The following GRM7 variants were observed in gnomAD, a reference collection of about 807,000 sequenced individuals.
GRM7 encodes the protein metabotropic glutamate receptor 7.
In GRM7, 35 loss-of-function variants were observed where a neutral mutation model predicts 84.5. The ratio of observed to expected loss-of-function variants is 0.41; its 90% confidence interval spans 0.32 to 0.55. The LOEUF (loss-of-function observed/expected upper bound fraction) is 0.55, where lower values mean the gene tolerates loss of function less well. Ranked by LOEUF, GRM7 falls within the 20% of genes least tolerant of loss-of-function variation. The pLI is 0.19. For missense variants in GRM7, 1,003 were observed against 1,194.6 expected, an observed-to-expected ratio of 0.84 and a Z score of 2.36; for synonymous variants, 487 against 455.1, an observed-to-expected ratio of 1.07 and a Z score of -0.89.
chr3:7,197,423 CT>C (rs1265238426), intron 2 of GRM7, among the ~76,000 whole-genome samples: 1 of 152,060 alleles, frequency 6.6e-6, no homozygotes, highest in African/African-American at 2.4e-5. Flanking sequence ...TCTTTCAGAC[CT>C]TTATCCTTCT....
intron 1 of GRM7, among the ~76,000 whole-genome samples, chr3:7,080,048 A>T (rs1386287106): frequency 2.0e-5 from 3 of 152,110 alleles, no homozygotes; most frequent in Non-Finnish European, 4.4e-5. Flanking sequence ...CAACCTTTTA[A>T]AAAGAATTTC....
chr3:7,713,365 G>A lies in GRM7; in HGVS notation c.2699-26992G>A, dbSNP rs183351264. Among the ~76,000 whole-genome samples the A allele has an allele frequency of 3.5e-4, 53 of 151,948 alleles. No individual in the cohort carries two copies. The East Asian group carries it at 9.1e-3, about 26-fold the overall frequency. Reference sequence around the variant, plus strand: ...TTGGCCAGGCTGGTCTCGAACTCCTGACCTCAAGTGATCCCACCCGCCTCA... The same window carrying A: ...TTGGCCAGGCTGGTCTCGAACTCCTAACCTCAAGTGATCCCACCCGCCTCA... On this transcript the variant is annotated intron_variant, in intron 9 of 9. Transcript: ENST00000357716.
intron 2 of GRM7, among the ~76,000 whole-genome samples, chr3:7,208,977 A>G (rs1222952413): frequency 6.6e-6 from 1 of 152,350 alleles, no homozygotes; most frequent in African/African-American, 2.4e-5. Flanking sequence ...ATGTCCTGAT[A>G]AAACCATCAT....
At chr3:7,135,220 G>A (rs17031847) in intron 1 of GRM7, among the ~76,000 whole-genome samples, 8,608 of 152,256 alleles carry the variant, frequency 0.057, 602 homozygotes, top group African/African-American at 0.15. Flanking sequence ...TGTGAGCAGA[G>A]ATGATATCTA....
At chr3:7,532,060 G>A (rs959625191) in intron 7 of GRM7, among the ~76,000 whole-genome samples, 1 of 152,094 alleles carries the variant, frequency 6.6e-6, no homozygotes, top group Admixed American at 6.6e-5. Context: ...TGTTCATCAG[G>A]GATATTGGCC....
chr3:7,378,990 A>T (rs1694473794), intron 4 of GRM7, among the ~76,000 whole-genome samples: 1 of 152,208 alleles, frequency 6.6e-6, no homozygotes, highest in Non-Finnish European at 1.5e-5. Context: ...AATTTCCTTG[A>T]GTGGCTAGAA....
intron 1 of GRM7, among the ~76,000 whole-genome samples, chr3:7,044,202 T>C (rs1696725045): frequency 6.6e-6 from 1 of 152,196 alleles, no homozygotes; most frequent in Non-Finnish European, 1.5e-5. Flanking sequence ...CATGGATCCA[T>C]GAATCAATAT....
chr3:7,608,035 C>T (rs775103674), intron 8 of GRM7: 9 of 363,438 alleles, frequency 2.5e-5, no homozygotes, highest in African/African-American at 1.1e-4. Flanking sequence ...CCTCCAGCTC[C>T]ATCTATGTTC....
intron 2 of GRM7, among the ~76,000 whole-genome samples, chr3:7,215,013 T>G (rs992893794): frequency 2.0e-5 from 3 of 152,236 alleles, no homozygotes; most frequent in Non-Finnish European, 4.4e-5. Flanking sequence ...TTATTTCTGT[T>G]TGATGAAATC....
At chr3:7,272,074 C>G (rs982896724) in intron 2 of GRM7, among the ~76,000 whole-genome samples, 1 of 152,132 alleles carries the variant, frequency 6.6e-6, no homozygotes, top group Non-Finnish European at 1.5e-5. Flanking sequence ...GGTTAAGATA[C>G]AATTATATTT....
At chr3:7,009,416 G>T (rs189746508) in intron 1 of GRM7, among the ~76,000 whole-genome samples, 3 of 152,248 alleles carry the variant, frequency 2.0e-5, no homozygotes, top group South Asian at 2.1e-4. Context: ...CTGACCCAAG[G>T]TCGCACAGCT....
intron 2 of GRM7, among the ~76,000 whole-genome samples, chr3:7,277,048 A>G (rs1376497724): frequency 2.0e-5 from 3 of 151,992 alleles, no homozygotes; most frequent in Non-Finnish European, 4.4e-5. Context: ...CAAGTGTTCT[A>G]TTCATCACAT....
intron 7 of GRM7, among the ~76,000 whole-genome samples, chr3:7,473,368 T>G (rs113050009): frequency 0.054 from 8,225 of 152,058 alleles, 771 homozygotes; most frequent in African/African-American, 0.19. Flanking sequence ...TCCTAGCTAC[T>G]CAGGAGGCTG....
chr3:7,192,664 G>A (rs1230042798), intron 2 of GRM7, among the ~76,000 whole-genome samples: 6 of 152,018 alleles, frequency 3.9e-5, no homozygotes, highest in Non-Finnish European at 7.4e-5. Context: ...CTCCTTCCAA[G>A]CAGCCTGTAA....
chr3:6,879,324 G>T, intron 1 of GRM7, among the ~76,000 whole-genome samples: 1 of 152,170 alleles, frequency 6.6e-6, no homozygotes, highest in East Asian at 1.9e-4. Flanking sequence ...ATAGAATACA[G>T]TGTGATGTTT....
intron 2 of GRM7, among the ~76,000 whole-genome samples, chr3:7,233,200 A>C (rs1269406517): frequency 6.6e-6 from 1 of 152,180 alleles, no homozygotes; most frequent in Non-Finnish European, 1.5e-5. Context: ...TTGTAATTGA[A>C]GTTACAGAAT....
Position 7,573,917 on chromosome 3 carries a change from G to T in GRM7, c.1516-4505G>T, listed in dbSNP as rs150112155. Among the ~76,000 whole-genome samples, 155 of 152,288 alleles carry T rather than the reference G, an allele frequency of 1.0e-3. 1 individual carries two copies. Among genetic ancestry groups the T allele is most frequent in the African/African-American group, 3.4e-3 (142 of 41,570 alleles). ...TACCAAATGCAGAGAAAATGTATTA[G>T]ATAGAATGCGTGACTGCAATTAGTA... On this transcript the variant is annotated intron_variant, in intron 7 of 9. Coordinates refer to ENST00000357716, the MANE Select transcript of GRM7 (RefSeq NM_000844.4).
At chr3:6,952,293 A>G (rs1692813031) in intron 1 of GRM7, among the ~76,000 whole-genome samples, 2 of 152,166 alleles carry the variant, frequency 1.3e-5, no homozygotes, top group Non-Finnish European at 2.9e-5. Context: ...CTGTCTGGGT[A>G]GTGGAAACAG....
chr3:7,498,900 CAG>C (rs1375276472), intron 7 of GRM7, among the ~76,000 whole-genome samples: 1 of 152,174 alleles, frequency 6.6e-6, no homozygotes, highest in African/African-American at 2.4e-5. Context: ...GGGGTGAATG[CAG>C]AGTCATCTGT....
Sources: gnomAD v4.1 joint callset for allele counts (sites outside exome capture counted in the v4.1 genomes callset) on GRCh38, gnomAD v4.1.1 for gene constraint, MANE v1.5 for transcripts, NCBI Gene and HGNC (gene_info 2026-07-23, HGNC 2026-07-21) for gene names.